The following TENM2 variants were observed in gnomAD, a reference collection of about 807,000 sequenced individuals.
TENM2 encodes the protein teneurin-2.
Under a neutral mutation model 245.2 loss-of-function variants are expected in TENM2, and 52 were observed. That is an observed-to-expected ratio of 0.21 (90% CI 0.17 to 0.27). TENM2 has a LOEUF of 0.27. Ranked by LOEUF, TENM2 falls within the 10% of genes least tolerant of loss-of-function variation. The pLI, the probability that TENM2 is intolerant of heterozygous loss-of-function variation, is 1.00. For missense variants in TENM2, 3,046 were observed against 3,666.8 expected (o/e 0.83, Z 4.37); for synonymous variants, 1,363 against 1,438.9 (o/e 0.95, Z 1.19).
intron 3 of TENM2, among the ~76,000 whole-genome samples, chr5:167,947,421 C>T (rs148237558): frequency 1.0e-3 from 158 of 152,206 alleles, no homozygotes; most frequent in African/African-American, 3.6e-3. Context: ...TACAAGTGAA[C>T]GACTCAGAAA....
intron 2 of TENM2, among the ~76,000 whole-genome samples, chr5:167,841,042 T>C (rs1319944631): frequency 4.1e-5 from 6 of 145,480 alleles, no homozygotes; most frequent in Non-Finnish European, 9.0e-5. Context: ...GTCATTTTTA[T>C]GTAAAAATTG....
chr5:167,652,973 TG>T (rs1754579214), intron 2 of TENM2, among the ~76,000 whole-genome samples: 1 of 152,182 alleles, frequency 6.6e-6, no homozygotes, highest in South Asian at 2.1e-4. Context: ...TAATGCAACC[TG>T]ACCCTGATTA....
the TENM2 span, among the ~76,000 whole-genome samples, chr5:167,196,728 T>G: frequency 6.6e-6 from 1 of 151,766 alleles, no homozygotes; most frequent in Non-Finnish European, 1.5e-5. Flanking sequence ...TAACACAAAG[T>G]TAAAAATAAA....
intron 2 of TENM2, among the ~76,000 whole-genome samples, chr5:167,826,035 C>G (rs964975034): frequency 6.6e-6 from 1 of 151,998 alleles, no homozygotes; most frequent in African/African-American, 2.4e-5. Flanking sequence ...GTACCTTTCT[C>G]TCCACCCCAA....
chr5:167,583,780 T>G (rs1561574212), intron 2 of TENM2, among the ~76,000 whole-genome samples: 5 of 152,206 alleles, frequency 3.3e-5, no homozygotes, highest in Admixed American at 3.3e-4. Context: ...CCTCTACCTC[T>G]GCTCTCCCAA....
At chr5:167,652,670 A>T (rs2150293575) in intron 2 of TENM2, among the ~76,000 whole-genome samples, 1 of 151,178 alleles carries the variant, frequency 6.6e-6, no homozygotes, top group African/African-American at 2.4e-5. Context: ...ATTCCATTTG[A>T]CTCCTCTCCA....
chr5:167,204,191 A>G, the TENM2 span, among the ~76,000 whole-genome samples: 1 of 152,120 alleles, frequency 6.6e-6, no homozygotes, highest in Non-Finnish European at 1.5e-5. Flanking sequence ...CTGGAAATGA[A>G]AGAAATAAGG....
intron 2 of TENM2, among the ~76,000 whole-genome samples, chr5:167,779,899 A>G (rs1262428664): frequency 6.6e-6 from 1 of 152,222 alleles, no homozygotes; most frequent in African/African-American, 2.4e-5. Flanking sequence ...AAACACAGCC[A>G]CTGTTACATT....
At chr5:167,980,747 T>A (rs542039933) in intron 4 of TENM2, among the ~76,000 whole-genome samples, 1 of 152,264 alleles carries the variant, frequency 6.6e-6, no homozygotes, top group South Asian at 2.1e-4. Context: ...CTTTAAAGAT[T>A]GCTGTGTGCA....
At chr5:167,102,294 GC>G in the TENM2 span, among the ~76,000 whole-genome samples, 1 of 152,038 alleles carries the variant, frequency 6.6e-6, no homozygotes, top group Non-Finnish European at 1.5e-5. Context: ...AGCATATTGA[GC>G]AAAAGAGGGT....
chr5:167,231,480 G>A, the TENM2 span, among the ~76,000 whole-genome samples: 28 of 152,308 alleles, frequency 1.8e-4, no homozygotes, highest in African/African-American at 5.5e-4. Flanking sequence ...GAGACTAGCA[G>A]CATTTTGCTC....
chr5:167,646,679 G>C (rs1378088845), intron 2 of TENM2, among the ~76,000 whole-genome samples: 1 of 151,840 alleles, frequency 6.6e-6, no homozygotes, highest in African/African-American at 2.4e-5. Context: ...ATAGCAACCC[G>C]GGGACATAGG....
chr5:167,799,903 C>T (rs1365385487), intron 2 of TENM2, among the ~76,000 whole-genome samples: 1 of 152,210 alleles, frequency 6.6e-6, no homozygotes, highest in Non-Finnish European at 1.5e-5. Flanking sequence ...ATACCTGGGG[C>T]CCATCCCCAG....
chr5:168,003,728 T>C (rs1482090056), intron 5 of TENM2, among the ~76,000 whole-genome samples: 1 of 152,140 alleles, frequency 6.6e-6, no homozygotes, highest in African/African-American at 2.4e-5. Context: ...CATGAACTAC[T>C]TAGATAAACA....
chr5:167,551,736 T>C (rs996358053), intron 2 of TENM2, among the ~76,000 whole-genome samples: 2 of 152,226 alleles, frequency 1.3e-5, no homozygotes, highest in South Asian at 4.1e-4. Flanking sequence ...TTTGTGTAAG[T>C]TGGACAAACT....
chr5:167,415,809 C>T (rs536359450), intron 2 of TENM2, among the ~76,000 whole-genome samples: 5 of 152,234 alleles, frequency 3.3e-5, no homozygotes, highest in South Asian at 2.1e-4. Flanking sequence ...GTATCCTCTT[C>T]GCCGTGGTAC....
chr5:167,851,543 C>T (rs1770581365), intron 2 of TENM2, among the ~76,000 whole-genome samples: 2 of 152,266 alleles, frequency 1.3e-5, no homozygotes, highest in South Asian at 4.1e-4. Context: ...CCCTGAAAGC[C>T]TCTGGTTTGG....
chr5:167,142,077 A>G, the TENM2 span, among the ~76,000 whole-genome samples: 1 of 152,206 alleles, frequency 6.6e-6, no homozygotes, highest in East Asian at 1.9e-4. Flanking sequence ...ATACTAGCAC[A>G]TCTGAAATCT....
chr5:167,186,014 C>A, the TENM2 span, among the ~76,000 whole-genome samples: 1 of 152,098 alleles, frequency 6.6e-6, no homozygotes, highest in Non-Finnish European at 1.5e-5. Context: ...TGATACCTGG[C>A]TTTTTTCTGC....
Sources: gnomAD v4.1 joint callset for allele counts (sites outside exome capture counted in the v4.1 genomes callset) on GRCh38, gnomAD v4.1.1 for gene constraint, MANE v1.5 for transcripts, NCBI Gene and HGNC (gene_info 2026-07-23, HGNC 2026-07-21) for gene names.